The following CARHSP1 variants were observed in gnomAD, a reference collection of about 807,000 sequenced individuals.
CARHSP1 encodes the protein calcium regulated heat stable protein 1, also known as calcium-regulated heat-stable protein 1.
CARHSP1 carries 14 observed loss-of-function variants against 12.5 expected under a neutral mutation model. That is an observed-to-expected ratio of 1.12 (90% CI 0.74 to 1.75). The LOEUF is 1.75. Ranked by LOEUF, CARHSP1 falls within the 40% of genes most tolerant of loss-of-function variation. CARHSP1 has a pLI of 0.00. For synonymous variants in CARHSP1, 161 were observed against 82.0 expected (o/e 1.96, Z -5.20); for missense variants, 343 against 201.6 (o/e 1.70, Z -4.25).
At chr16:8,860,227 G>A (rs746897702) in intron 1 of CARHSP1, 266 of 984,866 alleles carry the variant, frequency 2.7e-4, no homozygotes, top group Non-Finnish European at 3.1e-4. Flanking sequence ...TGCTGCGAGA[G>A]CCCAAAGGGA....
Position 8,853,875 on chromosome 16 carries a change from CAG to C in CARHSP1, c.*1287_*1288del, listed in dbSNP as rs548074802. 3.9e-5 allele frequency: 6 copies of C among 152,320 alleles called. No homozygotes were observed. The highest frequency in any genetic ancestry group is 7.3e-5 in the Non-Finnish European group (5 of 68,038). The allele number at this position is 152,320 out of a possible 1,614,324, so 9.4% of individuals were successfully genotyped here. On this transcript the variant is annotated 3_prime_UTR_variant, in exon 4 of 4. Coordinates refer to ENST00000311052, the MANE Select transcript of CARHSP1 (RefSeq NM_014316.4). ...CCGAGATGGGCAGATCATCTGAGGT[CAG>C]GGGTTCAAGACCATCCTGCCCAACA...
Position 8,854,912 on chromosome 16 carries a change from C to T in CARHSP1, c.*252G>A, listed in dbSNP as rs113361415. On this transcript the variant is annotated 3_prime_UTR_variant, in exon 4 of 4. Transcript: ENST00000311052. ...TCCACTCAGCCACCAGTGGGCACCT[C>T]TCCTTTTTAAATGCTTTTAATGCTC... The T allele has an allele frequency of 3.0e-6, 1 of 337,378 alleles. No individual in the cohort carries two copies. The highest frequency in any genetic ancestry group is 1.4e-4 in the South Asian group (1 of 7,266). The allele number at this position is 337,378 out of a possible 1,614,324, so 20.9% of individuals were successfully genotyped here.
At chr16:8,857,065 C>T (rs957876495) in intron 3 of CARHSP1, among the ~76,000 whole-genome samples, 1 of 152,150 alleles carries the variant, frequency 6.6e-6, no homozygotes, top group Non-Finnish European at 1.5e-5. Context: ...GGACTGGTCC[C>T]CAGGCCAAAC....
rs866274480 is a variant in CARHSP1, at chr16:8,857,275, T to G, written c.281+1075A>C. On this transcript the variant is annotated intron_variant, in intron 3 of 3. Coordinates refer to ENST00000311052, the MANE Select transcript of CARHSP1 (RefSeq NM_014316.4). ...CTTGGGCAGATCTGTTTTTTTTTTT[T>G]TTTTTTTTTTTTTTTTTTTTTTTTG... Among the ~76,000 whole-genome samples the G allele has an allele frequency of 3.6e-4, 36 of 100,612 alleles. 3 individuals are homozygous for G. Among genetic ancestry groups the G allele is most frequent in the African/African-American group, 1.2e-3 (24 of 20,240 alleles). 66.0% of individuals were successfully genotyped at this position (100,612 alleles called of 152,430 possible).
Position 8,854,234 on chromosome 16 carries a change from T to C in CARHSP1, c.*930A>G, listed in dbSNP as rs1281084163. The C allele has an allele frequency of 6.6e-6, 1 of 152,156 alleles. No homozygotes were observed. Among genetic ancestry groups the C allele is most frequent in the Non-Finnish European group, 1.5e-5 (1 of 68,018 alleles). 9.4% of individuals were successfully genotyped at this position (152,156 alleles called of 1,614,324 possible). On this transcript the variant is annotated 3_prime_UTR_variant, in exon 4 of 4. Transcript: ENST00000311052. The stretch of plus-strand genomic sequence containing the variant: ...AGAAAACCCCCTCTCCAAAGGTATG[T>C]TTCTCCTTCAACTTTCTTGACTTTG...
intron 2 of CARHSP1, 177 bp from the exon 3 acceptor site, chr16:8,858,649 G>C (rs1383997080): frequency 1.8e-5 from 13 of 741,800 alleles, no homozygotes; most frequent in Non-Finnish European, 2.3e-5. Flanking sequence ...AAAGACGCTG[G>C]GGGAAAGGAC....
chr16:8,858,231 C>A (rs1430969385), intron 3 of CARHSP1, 119 bp downstream of exon 3: 8 of 1,223,192 alleles, frequency 6.5e-6, no homozygotes, highest in Non-Finnish European at 3.4e-6. Flanking sequence ...CAGAGTCACA[C>A]AGGCCCAGCC....
intron 1 of CARHSP1, among the ~76,000 whole-genome samples, chr16:8,861,280 A>G (rs958152369): frequency 1.4e-5 from 2 of 145,486 alleles, no homozygotes; most frequent in African/African-American, 5.1e-5. Context: ...CTTCCTCTCA[A>G]AGTGCTAGGA....
chr16:8,863,156 G>A (rs941721343), intron 1 of CARHSP1, among the ~76,000 whole-genome samples: 1 of 128,222 alleles, frequency 7.8e-6, no homozygotes, highest in African/African-American at 3.0e-5. Context: ...ATCTCACTTG[G>A]TCACCTAGGC....
rs1414485584 is a variant in CARHSP1, at chr16:8,864,151, G to T, written c.-8+4815C>A. Among the ~76,000 whole-genome samples the T allele has an allele frequency of 2.0e-5, 3 of 152,260 alleles. No individual in the cohort carries two copies. In the East Asian group the frequency reaches 5.8e-4, roughly 29 times the overall value. On this transcript the variant is annotated intron_variant, in intron 1 of 3. Transcript: ENST00000311052. ...CTCGTTTGTGCACAGGTATGTAGGT[G>T]TATGCACATGTGTATGTGTGTGCTG...
intron 1 of CARHSP1, among the ~76,000 whole-genome samples, chr16:8,865,477 G>T (rs970731637): frequency 1.3e-5 from 2 of 152,206 alleles, no homozygotes; most frequent in Non-Finnish European, 2.9e-5. Context: ...AGGGGGATAA[G>T]AGTTCAAGTC....
Position 8,857,263 on chromosome 16 carries a change from G to GTTTTTTGTTTTTTTT in CARHSP1, c.281+1086_281+1087insAAAAAAAACAAAAAA, listed in dbSNP as rs1315960023. Among the ~76,000 whole-genome samples, 206 of 57,028 alleles carry GTTTTTTGTTTTTTTT rather than the reference G, an allele frequency of 3.6e-3. 23 individuals are homozygous for GTTTTTTGTTTTTTTT. The highest frequency in any genetic ancestry group is 5.7e-3 in the Non-Finnish European group (152 of 26,890). The allele number at this position is 57,028 out of a possible 152,430, so 37.4% of individuals were successfully genotyped here. ...TGGCTATGTGATCTTGGGCAGATCT[G>GTTTTTTGTTTTTTTT]TTTTTTTTTTTTTTTTTTTTTTTTT... On this transcript the variant is annotated intron_variant, in intron 3 of 3. Transcript: ENST00000311052.
At chr16:8,858,329 C>T (rs1047434192) in intron 3 of CARHSP1, 21 bp downstream of exon 3, 3 of 1,611,096 alleles carry the variant, frequency 1.9e-6, no homozygotes, top group Non-Finnish European at 2.5e-6. Flanking sequence ...GCCAGGCCAC[C>T]CAGACCTGCC....
At chr16:8,858,522 A>T in intron 2 of CARHSP1, 50 bp from the exon 3 acceptor site, 1 of 1,599,440 alleles carries the variant, frequency 6.3e-7, no homozygotes, top group Non-Finnish European at 8.5e-7. Context: ...TCCTGGGCAC[A>T]CAAAGCTCAT....
At chr16:8,867,134 G>C (rs1359466350) in intron 1 of CARHSP1, 2 of 152,322 alleles carry the variant, frequency 1.3e-5, no homozygotes, top group East Asian at 1.9e-4. Flanking sequence ...TCTCAGCCTG[G>C]ACTGCCCCTC....
intron 3 of CARHSP1, among the ~76,000 whole-genome samples, chr16:8,855,621 GAGGGAGC>G (rs1284345118): frequency 6.6e-6 from 1 of 152,214 alleles, no homozygotes; most frequent in Non-Finnish European, 1.5e-5. Context: ...TGAAATGTGG[GAGGGAGC>G]CTGGGCTTGT....
At chr16:8,858,031 G>C in intron 3 of CARHSP1, 1 of 284,356 alleles carries the variant, frequency 3.5e-6, no homozygotes, top group Non-Finnish European at 6.8e-6. Context: ...CCAAAGTGCT[G>C]GGATTACAGG....
Position 8,853,992 on chromosome 16 carries a change from G to C in CARHSP1, c.*1172C>G, listed in dbSNP as rs370150824. On this transcript the variant is annotated 3_prime_UTR_variant, in exon 4 of 4. Coordinates refer to ENST00000311052, the MANE Select transcript of CARHSP1 (RefSeq NM_014316.4). The stretch of plus-strand genomic sequence containing the variant: ...TCCCAGCTACTCAGGAGACTGAGGC[G>C]GAATTGCCAGAACCCTGGAGGGCAG... The C allele has an allele frequency of 3.2e-4, 48 of 152,220 alleles. 1 individual carries two copies. Among genetic ancestry groups the C allele is most frequent in the African/African-American group, 1.2e-3 (48 of 41,528 alleles). 9.4% of individuals were successfully genotyped at this position (152,220 alleles called of 1,614,324 possible).
intron 1 of CARHSP1, chr16:8,861,647 G>A: frequency 7.8e-7 from 1 of 1,289,110 alleles, no homozygotes; most frequent in Non-Finnish European, 1.0e-6. Flanking sequence ...CTTGCCTTCT[G>A]GAGGAGGTGG....
Sources: gnomAD v4.1 joint callset for allele counts (sites outside exome capture counted in the v4.1 genomes callset) on GRCh38, gnomAD v4.1.1 for gene constraint, MANE v1.5 for transcripts, NCBI Gene and HGNC (gene_info 2026-07-23, HGNC 2026-07-21) for gene names.